Variants in FAM200B observed in about 807,000 individuals in gnomAD.
The protein encoded by FAM200B is protein FAM200B.
FAM200B carries 32 observed loss-of-function variants against 33.1 expected under a neutral mutation model. The ratio of observed to expected loss-of-function variants is 0.97; its 90% CI spans 0.73 to 1.30. FAM200B has a LOEUF of 1.30. FAM200B is among the 50% of genes most tolerant of loss of function. The pLI, the probability that FAM200B is intolerant of heterozygous loss-of-function variation, is 0.00. For synonymous variants in FAM200B, 240 were observed against 264.8 expected, an observed-to-expected ratio of 0.91 and a Z score of 0.91; for missense variants, 741 against 754.0, an observed-to-expected ratio of 0.98 and a Z score of 0.20.
the FAM200B span, among the ~76,000 whole-genome samples, chr4:15,662,274 C>CGAAGGGATTAATTGAG: frequency 6.7e-6 from 1 of 150,320 alleles, no homozygotes; most frequent in Non-Finnish European, 1.5e-5. Context: ...GCTCCTTCCA[C>CGAAGGGATTAATTGAG]GGCTCTACCA....
chr4:15,658,651 C>T, the FAM200B span, among the ~76,000 whole-genome samples: 2 of 152,172 alleles, frequency 1.3e-5, no homozygotes, highest in Non-Finnish European at 2.9e-5. Flanking sequence ...GATGCAGCCC[C>T]TTGACCATAG....
the FAM200B span, among the ~76,000 whole-genome samples, chr4:15,642,651 C>CT: frequency 2.5e-3 from 381 of 152,336 alleles, 2 homozygotes; most frequent in African/African-American, 8.8e-3. Flanking sequence ...GTCCTGTTCT[C>CT]TTACGACTTT....
chr4:15,669,052 G>A, the FAM200B span, among the ~76,000 whole-genome samples: 1 of 152,064 alleles, frequency 6.6e-6, no homozygotes, highest in Non-Finnish European at 1.5e-5. Flanking sequence ...GTTAGTACAG[G>A]ATACACCATG....
At chr4:15,649,578 C>CAAAAAAAAA in the FAM200B span, among the ~76,000 whole-genome samples, 5 of 81,356 alleles carry the variant, frequency 6.1e-5, no homozygotes, top group East Asian at 4.7e-4. Context: ...GACTACGTCT[C>CAAAAAAAAA]AAAAAAAAAA....
upstream of FAM200B, among the ~76,000 whole-genome samples, chr4:15,679,571 A>AC (rs1384758006): frequency 1.3e-5 from 2 of 151,260 alleles, no homozygotes; most frequent in Admixed American, 6.6e-5. Context: ...ACAAAAAAAA[A>AC]AAAAAACAAA....
At chr4:15,679,562 C>CAAAAAAAAAAAAAAA (rs1202369624), upstream of FAM200B, among the ~76,000 whole-genome samples, 3 of 94,392 alleles carry the variant, frequency 3.2e-5, no homozygotes, top group African/African-American at 7.3e-5. Flanking sequence ...AGTTCAGGAA[C>CAAAAAAAAAAAAAAA]AAAAAAAAAA....
the FAM200B span, among the ~76,000 whole-genome samples, chr4:15,656,528 A>C: frequency 6.6e-6 from 1 of 152,238 alleles, no homozygotes; most frequent in East Asian, 1.9e-4. Context: ...CAAATAATGG[A>C]GTAGAAGAAG....
At chr4:15,642,847 C>CT in the FAM200B span, among the ~76,000 whole-genome samples, 352 of 152,306 alleles carry the variant, frequency 2.3e-3, 3 homozygotes, top group African/African-American at 8.2e-3. Flanking sequence ...AAGAATGAAT[C>CT]TTTTTTATTT....
chr4:15,655,105 G>C, the FAM200B span: 7,001 of 969,894 alleles, frequency 7.2e-3, 34 homozygotes, highest in Non-Finnish European at 8.6e-3. Context: ...CGACGGCACG[G>C]GGCTGCGGGC....
the FAM200B span, among the ~76,000 whole-genome samples, chr4:15,654,734 T>C: frequency 4.3e-4 from 65 of 151,990 alleles, no homozygotes; most frequent in Non-Finnish European, 8.2e-4. Context: ...GATGGGTGGG[T>C]GTCTGCACGG....
the FAM200B span, among the ~76,000 whole-genome samples, chr4:15,669,908 A>AT: frequency 2.0e-5 from 3 of 152,212 alleles, no homozygotes; most frequent in African/African-American, 4.8e-5. Context: ...AAAAGACATT[A>AT]TTGTTAAAGG....
chr4:15,654,884 A>C, the FAM200B span, among the ~76,000 whole-genome samples: 1 of 152,110 alleles, frequency 6.6e-6, no homozygotes, highest in South Asian at 2.1e-4. Flanking sequence ...CAGCAGCGGG[A>C]GTCCCAGCGC....
chr4:15,653,836 T>C, the FAM200B span, among the ~76,000 whole-genome samples: 1 of 152,220 alleles, frequency 6.6e-6, no homozygotes, highest in Non-Finnish European at 1.5e-5. Flanking sequence ...TGCACTCAAA[T>C]GGAGAGCTTT....
the FAM200B span, chr4:15,655,114 G>C: frequency 9.7e-7 from 1 of 1,034,860 alleles, no homozygotes; most frequent in African/African-American, 1.8e-5. Flanking sequence ...GGGGCTGCGG[G>C]CGCGGCGCAG....
upstream of FAM200B, among the ~76,000 whole-genome samples, chr4:15,676,816 T>C (rs1211554975): frequency 2.0e-5 from 3 of 152,196 alleles, no homozygotes; most frequent in Non-Finnish European, 4.4e-5. Context: ...AAAGTATGAT[T>C]TTCAGTTCTG....
the FAM200B span, among the ~76,000 whole-genome samples, chr4:15,674,735 C>T: frequency 2.0e-5 from 3 of 151,640 alleles, no homozygotes; most frequent in South Asian, 2.1e-4. Context: ...CTGCAAGCTC[C>T]GCCTCCCACG....
rs1050522774 is a variant in FAM200B at position 15,686,703 on chromosome 4, G to A, written c.-275G>A. ...GAGGGGTATTTGATGGAGGAGATATGATGAATAGAATGTATATTGGCTAAG... is the reference window on the plus strand; with the variant it reads ...GAGGGGTATTTGATGGAGGAGATATAATGAATAGAATGTATATTGGCTAAG... On this transcript the variant is annotated 5_prime_UTR_variant, in exon 2 of 2. An upstream start codon of the reference 5' UTR is lost. Transcript: ENST00000422728. The A allele has an allele frequency of 2.3e-5, 5 of 215,976 alleles. No individual in the cohort carries two copies. In the Admixed American group the frequency reaches 2.8e-4, roughly 12 times the overall value. The allele number at this position is 215,976 out of a possible 1,614,324, so 13.4% of individuals were successfully genotyped here.
the FAM200B span, among the ~76,000 whole-genome samples, chr4:15,663,210 A>G: frequency 1.3e-5 from 2 of 152,226 alleles, no homozygotes; most frequent in Admixed American, 1.3e-4. Context: ...AGATAGGGGT[A>G]ATATTATACA....
chr4:15,685,566 T>C (rs924048274), intron 1 of FAM200B, among the ~76,000 whole-genome samples: 3 of 152,110 alleles, frequency 2.0e-5, no homozygotes, highest in Non-Finnish European at 4.4e-5. Flanking sequence ...GGATTCTGGA[T>C]TGGTTAGTTT....
Sources: allele counts gnomAD v4.1 joint callset (sites outside exome capture counted in the v4.1 genomes callset), GRCh38; gene constraint gnomAD v4.1.1; transcripts MANE v1.5; gene names NCBI Gene and HGNC (gene_info 2026-07-23, HGNC 2026-07-21).